TAF12: variants seen among roughly 807,000 people sequenced by gnomAD.
The protein encoded by TAF12 is TATA-box binding protein associated factor 12.
A neutral mutation model predicts 20.8 loss-of-function variants in TAF12; 3 were observed. The ratio of observed to expected loss-of-function variants is 0.14; its 90% CI spans 0.07 to 0.37. TAF12 has a LOEUF of 0.37. TAF12 is among the 10% of genes least tolerant of loss of function. TAF12 has a pLI of 1.00. For missense variants in TAF12, 131 were observed against 197.9 expected, an observed-to-expected ratio of 0.66 and a Z score of 2.03; for synonymous variants, 69 against 70.2, an observed-to-expected ratio of 0.98 and a Z score of 0.09.
chr1:28,628,228 TGGGGGGGGG>T lies in TAF12; in HGVS notation c.-84-6072_-84-6064del, dbSNP rs760486849. ...AATTAGCCAGACACGGTGCAGGGGG[TGGGGGGGGG>T]GGGGGCGCCTGTAATCCCTTGGGAG... On this transcript the variant is annotated intron_variant, in intron 1 of 5. Transcript: ENST00000373824. 1.5e-3 allele frequency among the ~76,000 whole-genome samples: 6 copies of T among 3,872 alleles called. 2 individuals carry two copies. The highest frequency in any genetic ancestry group is 2.3e-3 in the Non-Finnish European group (5 of 2,202). 2.5% of individuals were successfully genotyped at this position (3,872 alleles called of 152,430 possible). A position where few individuals can be genotyped will look rare whatever the true frequency, so the allele number is the denominator to read the frequency against.
chr1:28,624,477 T>C (rs1336508344), intron 1 of TAF12, among the ~76,000 whole-genome samples: 4 of 152,202 alleles, frequency 2.6e-5, no homozygotes, highest in Non-Finnish European at 5.9e-5. Flanking sequence ...CCCGGCCCAG[T>C]GGCTCATGCC....
chr1:28,638,464 C>T (rs1247494031), intron 1 of TAF12, among the ~76,000 whole-genome samples: 1 of 148,582 alleles, frequency 6.7e-6, no homozygotes, highest in East Asian at 2.0e-4. Flanking sequence ...GCTGGGATTA[C>T]AGGCATAAGC....
chr1:28,643,117 G>A (rs1282140640), upstream of TAF12: 1 of 985,816 alleles, frequency 1.0e-6, no homozygotes, highest in Admixed American at 6.1e-5. Context: ...CTCCAACCCG[G>A]AAACGCGCGG....
At chr1:28,626,348 G>A (rs1011305766) in intron 1 of TAF12, among the ~76,000 whole-genome samples, 19 of 151,840 alleles carry the variant, frequency 1.3e-4, no homozygotes, top group African/African-American at 3.1e-4. Context: ...AGGAGGCCAC[G>A]GCAGGTGGAT....
intron 2 of TAF12, among the ~76,000 whole-genome samples, chr1:28,618,640 T>A (rs943147769): frequency 5.3e-5 from 8 of 150,678 alleles, no homozygotes; most frequent in African/African-American, 2.0e-4. Flanking sequence ...CCTCCCAAAG[T>A]GCTGTACACA....
intron 1 of TAF12, among the ~76,000 whole-genome samples, chr1:28,630,188 C>T (rs1028418847): frequency 6.6e-6 from 1 of 152,138 alleles, no homozygotes; most frequent in Admixed American, 6.6e-5. Context: ...TCAAGCGATC[C>T]TCCTGCCTCA....
chr1:28,642,834 G>C (rs1668083193), intron 1 of TAF12, 158 bp downstream of exon 1: 1 of 985,036 alleles, frequency 1.0e-6, no homozygotes. Flanking sequence ...CGTCTTCTCC[G>C]AGCCTGATCC....
intron 1 of TAF12, among the ~76,000 whole-genome samples, chr1:28,636,479 CT>C (rs1288952866): frequency 6.6e-6 from 1 of 151,940 alleles, no homozygotes; most frequent in East Asian, 1.9e-4. Flanking sequence ...ATTTTCTCAT[CT>C]GAAAAAATTA....
chr1:28,611,646 C>T (rs190888356), intron 4 of TAF12, among the ~76,000 whole-genome samples: 290 of 152,238 alleles, frequency 1.9e-3, no homozygotes, highest in African/African-American at 6.7e-3. Flanking sequence ...TGCCAGCCAC[C>T]ACCAGAGGCT....
At chr1:28,631,137 TAAAG>T (rs964702232) in intron 1 of TAF12, among the ~76,000 whole-genome samples, 1 of 150,062 alleles carries the variant, frequency 6.7e-6, no homozygotes, top group African/African-American at 2.5e-5. Context: ...CCAGCACATA[TAAAG>T]AAATTTCAGT....
upstream of TAF12, among the ~76,000 whole-genome samples, chr1:28,645,760 T>C (rs1213857125): frequency 1.3e-5 from 2 of 151,806 alleles, no homozygotes; most frequent in African/African-American, 4.8e-5. Flanking sequence ...CACTTGAGGT[T>C]AGGAGTTTGA....
In TAF12 at chr1:28,622,180, C is replaced by T; in HGVS notation, c.-84-15G>A. The T allele has an allele frequency of 6.7e-7, 1 of 1,495,744 alleles. No individual in the cohort carries two copies. The highest frequency in any genetic ancestry group is 8.9e-7 in the Non-Finnish European group (1 of 1,128,272). 92.7% of individuals were successfully genotyped at this position (1,495,744 alleles called of 1,614,324 possible). On this transcript the variant is annotated splice_polypyrimidine_tract_variant and intron_variant, in intron 1 of 5. Transcript: ENST00000373824. ...AGGCCAATTAACTGGAGAAGAAAAG[C>T]ACAAGAATTAGCTCTAGAAGAACCT... is the stretch of plus-strand genomic sequence containing the variant.
At chr1:28,640,629 G>T (rs190099144) in intron 1 of TAF12, among the ~76,000 whole-genome samples, 61 of 152,252 alleles carry the variant, frequency 4.0e-4, no homozygotes, top group African/African-American at 1.4e-3. Flanking sequence ...TTCAGAAAAA[G>T]ATATTAATAT....
At position 28,613,227 on chromosome 1, in the gene TAF12, G is replaced by T. The variant is rs1193814673; in HGVS notation, c.361+20C>A. On this transcript the variant is annotated intron_variant, in intron 4 of 5. Coordinates refer to ENST00000373824, the MANE Select transcript of TAF12 (RefSeq NM_005644.4). ...AGAAGCAGTTGAATCCATACTTCAGGGAGAAACAAGACCACATACCTAAAT... is the reference window on the plus strand; with the variant it reads ...AGAAGCAGTTGAATCCATACTTCAGTGAGAAACAAGACCACATACCTAAAT... The T allele has an allele frequency of 6.3e-7, 1 of 1,586,194 alleles. No individual in the cohort carries two copies. Among genetic ancestry groups the T allele is most frequent in the Admixed American group, 1.7e-5 (1 of 57,412 alleles).
chr1:28,605,320 G>C (rs768719907), intron 5 of TAF12, 52 bp downstream of exon 5: 1 of 1,588,508 alleles, frequency 6.3e-7, no homozygotes, highest in South Asian at 1.1e-5. Flanking sequence ...ACTCTGAGAC[G>C]TAACTCAAGG....
At chr1:28,642,308 G>A (rs1028467138) in intron 1 of TAF12, among the ~76,000 whole-genome samples, 9 of 152,138 alleles carry the variant, frequency 5.9e-5, no homozygotes, top group Non-Finnish European at 8.8e-5. Context: ...AGGGAATACT[G>A]TGAAAAAATG....
At chr1:28,621,821 A>G in intron 2 of TAF12, 93 bp downstream of exon 2, 1 of 1,510,044 alleles carries the variant, frequency 6.6e-7, no homozygotes. Context: ...AAGAGAAAAA[A>G]GCAGCATCTG....
At chr1:28,634,717 G>A (rs1442964860) in intron 1 of TAF12, among the ~76,000 whole-genome samples, 1 of 151,072 alleles carries the variant, frequency 6.6e-6, no homozygotes, top group African/African-American at 2.4e-5. Flanking sequence ...ATCACCTGAG[G>A]TCGGAAGTTT....
At chr1:28,628,599 TA>T (rs889656030) in intron 1 of TAF12, among the ~76,000 whole-genome samples, 23 of 145,756 alleles carry the variant, frequency 1.6e-4, no homozygotes, top group East Asian at 8.0e-4. Flanking sequence ...CTGATTATAT[TA>T]AAAAAAAAAC....
Sources: gnomAD v4.1 joint callset for allele counts (sites outside exome capture counted in the v4.1 genomes callset) on GRCh38, gnomAD v4.1.1 for gene constraint, MANE v1.5 for transcripts, NCBI Gene and HGNC (gene_info 2026-07-23, HGNC 2026-07-21) for gene names.